The following SHANK2 variants were observed in gnomAD, a reference collection of about 807,000 sequenced individuals.
SHANK2 encodes the protein SH3 and multiple ankyrin repeat domains 2.
Under a neutral mutation model 133.7 loss-of-function variants are expected in SHANK2, and 43 were observed. The ratio of observed to expected loss-of-function variants is 0.32; its 90% CI spans 0.25 to 0.41. SHANK2 has a LOEUF of 0.41. Ranked by LOEUF, SHANK2 falls within the 10% of genes least tolerant of loss-of-function variation. The probability of loss-of-function intolerance (pLI) is 1.00; values close to 1 mark genes in which losing one functional copy is unlikely to be tolerated. For synonymous variants in SHANK2, 1,017 were observed against 952.8 expected (o/e 1.07, Z -1.24); for missense variants, 1,994 against 2,235.8 (o/e 0.89, Z 2.18).
At chr11:70,575,443 C>T (rs555320212) in intron 17 of SHANK2, among the ~76,000 whole-genome samples, 6 of 150,242 alleles carry the variant, frequency 4.0e-5, no homozygotes, top group South Asian at 2.1e-4. Flanking sequence ...TGCTTGAACC[C>T]GGGAGGCAGA....
At chr11:70,525,792 C>T (rs2059388355) in intron 17 of SHANK2, among the ~76,000 whole-genome samples, 3 of 152,068 alleles carry the variant, frequency 2.0e-5, no homozygotes, top group Non-Finnish European at 4.4e-5. Flanking sequence ...TCCTAGCCCC[C>T]AGGGATGTGG....
chr11:70,553,471 C>T lies in SHANK2; in HGVS notation c.2062-50540G>A, dbSNP rs1201409104. On this transcript the variant is annotated intron_variant, in intron 17 of 25. Transcript: ENST00000601538. ...AGTACTGGGGATTGGAACGCTAATG[C>T]ATGGATTTTTGAGGGACACAACTCA... is the stretch of plus-strand genomic sequence containing the variant. Among the ~76,000 whole-genome samples, 13 of 152,268 alleles carry T rather than the reference C, an allele frequency of 8.5e-5. No homozygotes were observed. In the South Asian group the frequency reaches 1.7e-3, roughly 19 times the overall value.
intron 17 of SHANK2, among the ~76,000 whole-genome samples, chr11:70,563,789 C>T (rs1185521081): frequency 9.2e-5 from 14 of 152,124 alleles, no homozygotes; most frequent in African/African-American, 3.1e-4. Context: ...GTCTTTTTAT[C>T]TGAAAGACAA....
chr11:71,158,618 G>A (rs1555109410), intron 2 of SHANK2, among the ~76,000 whole-genome samples: 1 of 152,174 alleles, frequency 6.6e-6, no homozygotes, highest in Non-Finnish European at 1.5e-5. Flanking sequence ...TTAACACTCT[G>A]ATCTTAAAGC....
chr11:71,231,066 T>C (rs1555122894), intron 1 of SHANK2, among the ~76,000 whole-genome samples: 1 of 152,132 alleles, frequency 6.6e-6, no homozygotes, highest in East Asian at 1.9e-4. Context: ...TATTGACAAA[T>C]AGGTTCTCAT....
intron 13 of SHANK2, among the ~76,000 whole-genome samples, chr11:70,801,718 G>C (rs1555050564): frequency 6.6e-6 from 1 of 152,172 alleles, no homozygotes; most frequent in Non-Finnish European, 1.5e-5. Context: ...CTGGGATGCT[G>C]AGGGATCCCG....
At chr11:70,903,744 C>G (rs987008451) in intron 10 of SHANK2, among the ~76,000 whole-genome samples, 6 of 152,216 alleles carry the variant, frequency 3.9e-5, no homozygotes, top group Admixed American at 3.9e-4. Context: ...ACATGCATTG[C>G]AACACCGCAG....
intron 11 of SHANK2, among the ~76,000 whole-genome samples, chr11:70,890,516 G>C (rs1949823989): frequency 6.7e-6 from 1 of 150,320 alleles, no homozygotes; most frequent in Non-Finnish European, 1.5e-5. Flanking sequence ...CAAAAAAACA[G>C]AGGCCAGGCA....
intron 17 of SHANK2, among the ~76,000 whole-genome samples, chr11:70,588,403 C>T (rs1299595242): frequency 1.3e-5 from 2 of 152,152 alleles, no homozygotes; most frequent in Admixed American, 1.3e-4. Flanking sequence ...ACCAGTTTAG[C>T]CAAGCTGTGA....
At chr11:70,812,880 G>A (rs1487510894) in intron 12 of SHANK2, among the ~76,000 whole-genome samples, 2 of 152,102 alleles carry the variant, frequency 1.3e-5, no homozygotes, top group African/African-American at 4.8e-5. Flanking sequence ...CCAAATCACT[G>A]AATTCTTAAA....
At chr11:71,074,299 A>C (rs1170132053) in intron 9 of SHANK2, among the ~76,000 whole-genome samples, 1 of 152,188 alleles carries the variant, frequency 6.6e-6, no homozygotes, top group African/African-American at 2.4e-5. Flanking sequence ...GAGAACAGCG[A>C]AAGTGAGACT....
chr11:70,757,074 A>G (rs148434699), intron 14 of SHANK2, among the ~76,000 whole-genome samples: 1 of 152,328 alleles, frequency 6.6e-6, no homozygotes, highest in East Asian at 1.9e-4. Flanking sequence ...GCAGGTAACA[A>G]ATGCTTAATA....
At chr11:70,623,178 T>TTA (rs2060854505) in intron 17 of SHANK2, among the ~76,000 whole-genome samples, 2 of 127,564 alleles carry the variant, frequency 1.6e-5, no homozygotes, top group Non-Finnish European at 1.8e-5. Context: ...TTCGTCTCAA[T>TTA]CAAAAAAAAA....
rs143872539 is a variant in SHANK2, at chr11:70,935,386, T to C, written c.1108-38819A>G. Among the ~76,000 whole-genome samples, 415 of 152,264 alleles carry C rather than the reference T, an allele frequency of 2.7e-3. 4 individuals are homozygous for C. The highest frequency in any genetic ancestry group is 8.6e-3 in the African/African-American group (359 of 41,552). ...AAGAGGGGTCTGCTACAGTCTCATT[T>C]TGCAGATTGAAGAACCGAGTCCTCA... On this transcript the variant is annotated intron_variant, in intron 10 of 25. Transcript: ENST00000601538.
At chr11:70,875,298 C>G (rs535594362) in intron 11 of SHANK2, among the ~76,000 whole-genome samples, 1 of 152,150 alleles carries the variant, frequency 6.6e-6, no homozygotes, top group Admixed American at 6.5e-5. Context: ...TAGAGCTCTG[C>G]TTTCGGAACA....
Position 70,659,967 on chromosome 11 carries a change from A to G in SHANK2, c.1937-15T>C. On this transcript the variant is annotated splice_polypyrimidine_tract_variant and intron_variant, in intron 16 of 25. Transcript: ENST00000601538. Reference sequence around the variant, plus strand: ...GGGTGTGTCAGCTGGGAAGACAAGCAGCACCTGGTTACAAGCCTGGGAGAT... The same window carrying G: ...GGGTGTGTCAGCTGGGAAGACAAGCGGCACCTGGTTACAAGCCTGGGAGAT... The G allele has an allele frequency of 6.2e-7, 1 of 1,614,210 alleles. No homozygotes were observed. The highest frequency in any genetic ancestry group is 8.5e-7 in the Non-Finnish European group (1 of 1,180,036).
Position 70,798,408 on chromosome 11 carries a change from G to C in SHANK2, c.1777+35C>G, listed in dbSNP as rs11237533. On this transcript the variant is annotated intron_variant, in intron 14 of 25. Coordinates refer to ENST00000601538, the MANE Select transcript of SHANK2 (RefSeq NM_012309.5). ...CCACGGGCCTGAGATAGGCCTGCAG[G>C]ATCGAGGGTGGGCGGCCACGAGCGC... 2,844 of 716,250 alleles carry C rather than the reference G, an allele frequency of 4.0e-3. 63 individuals are homozygous for C. In the African/African-American group the frequency reaches 0.043, roughly 11 times the overall value. 44.4% of individuals were successfully genotyped at this position (716,250 alleles called of 1,614,324 possible). A position where few individuals can be genotyped will look rare whatever the true frequency, so the allele number is the denominator to read the frequency against.
At chr11:70,558,725 G>C (rs1417565302) in intron 17 of SHANK2, among the ~76,000 whole-genome samples, 1 of 152,174 alleles carries the variant, frequency 6.6e-6, no homozygotes, top group African/African-American at 2.4e-5. Flanking sequence ...AACCGAAAGA[G>C]ACAGGACTGT....
At chr11:70,519,714 G>A (rs531952036) in intron 17 of SHANK2, among the ~76,000 whole-genome samples, 2 of 152,032 alleles carry the variant, frequency 1.3e-5, no homozygotes, top group East Asian at 3.9e-4. Context: ...ATAAAAGTTT[G>A]AATCCACTAC....
Sources: gnomAD v4.1 joint callset for allele counts (sites outside exome capture counted in the v4.1 genomes callset) on GRCh38, gnomAD v4.1.1 for gene constraint, MANE v1.5 for transcripts, NCBI Gene and HGNC (gene_info 2026-07-23, HGNC 2026-07-21) for gene names.